The following RALYL variants were observed in gnomAD, a reference collection of about 807,000 sequenced individuals.
The protein encoded by RALYL is RALY RNA binding protein like, also known as RNA-binding Raly-like protein.
In RALYL, 29 loss-of-function variants were observed where a neutral mutation model predicts 35.1. That is an observed-to-expected ratio of 0.83 (90% CI 0.61 to 1.13). RALYL has a LOEUF of 1.13. Among genes scored for constraint, RALYL ranks in the 50% most tolerant of loss-of-function variants. The pLI is 0.00. For missense variants in RALYL, 359 were observed against 360.4 expected, an observed-to-expected ratio of 1.00 and a Z score of 0.03; for synonymous variants, 120 against 127.6, an observed-to-expected ratio of 0.94 and a Z score of 0.40.
chr8:84,821,886 C>A (rs892404281), intron 4 of RALYL, among the ~76,000 whole-genome samples: 1 of 152,092 alleles, frequency 6.6e-6, no homozygotes, highest in South Asian at 2.1e-4. Flanking sequence ...AATGAAAAGT[C>A]AATCCTCAAA....
At chr8:84,873,452 A>G in intron 7 of RALYL, 55 bp downstream of exon 7, 1 of 1,092,800 alleles carries the variant, frequency 9.2e-7, no homozygotes. Flanking sequence ...AACGTTGTCA[A>G]TCACAGAAGC....
At chr8:84,588,887 T>A (rs555929321) in intron 2 of RALYL, among the ~76,000 whole-genome samples, 1 of 148,162 alleles carries the variant, frequency 6.7e-6, no homozygotes, top group Non-Finnish European at 1.5e-5. Flanking sequence ...CTTTCCCCTG[T>A]CTCCCAACAT....
At chr8:84,720,619 G>A (rs992942721) in intron 2 of RALYL, among the ~76,000 whole-genome samples, 15 of 152,082 alleles carry the variant, frequency 9.9e-5, no homozygotes, top group African/African-American at 2.2e-4. Context: ...CATAGGCATC[G>A]AAAGCAAAAG....
At chr8:84,653,294 A>G (rs796446793) in intron 2 of RALYL, among the ~76,000 whole-genome samples, 3 of 152,210 alleles carry the variant, frequency 2.0e-5, no homozygotes, top group African/African-American at 7.2e-5. Context: ...GAAAATATCA[A>G]CATATTTATC....
intron 1 of RALYL, among the ~76,000 whole-genome samples, chr8:84,475,268 A>G (rs981038614): frequency 6.6e-6 from 1 of 151,996 alleles, no homozygotes; most frequent in African/African-American, 2.4e-5. Flanking sequence ...GCTGGAATGC[A>G]GTGGCACCAT....
chr8:84,549,659 A>C (rs139489141), intron 2 of RALYL, among the ~76,000 whole-genome samples: 314 of 152,302 alleles, frequency 2.1e-3, no homozygotes, highest in African/African-American at 6.5e-3. Flanking sequence ...AGGAATGCAG[A>C]TATGCATGAG....
intron 2 of RALYL, among the ~76,000 whole-genome samples, chr8:84,612,052 A>T (rs571503213): frequency 3.9e-4 from 59 of 152,056 alleles, no homozygotes; most frequent in African/African-American, 1.4e-3. Flanking sequence ...CTCTTTTCAT[A>T]GTAATGGTAT....
chr8:84,262,600 G>T (rs1407621745), intron 1 of RALYL, among the ~76,000 whole-genome samples: 3 of 151,870 alleles, frequency 2.0e-5, no homozygotes, highest in African/African-American at 7.3e-5. Context: ...AAAATAACTG[G>T]CCTGAATTAC....
At chr8:84,211,041 C>T (rs1158330807) in intron 1 of RALYL, among the ~76,000 whole-genome samples, 1 of 151,990 alleles carries the variant, frequency 6.6e-6, no homozygotes, top group African/African-American at 2.4e-5. Flanking sequence ...TCGCCAATTC[C>T]TGAATACCAA....
At chr8:84,711,743 C>T (rs1842222870) in intron 2 of RALYL, among the ~76,000 whole-genome samples, 1 of 152,068 alleles carries the variant, frequency 6.6e-6, no homozygotes, top group African/African-American at 2.4e-5. Flanking sequence ...CTTGTCTTAG[C>T]AGTCACATAT....
At chr8:84,351,354 G>A (rs1417512076) in intron 1 of RALYL, among the ~76,000 whole-genome samples, 1 of 149,972 alleles carries the variant, frequency 6.7e-6, no homozygotes, top group Non-Finnish European at 1.5e-5. Flanking sequence ...ATTACTTAAT[G>A]TGATTTATTT....
At chr8:84,532,410 G>A (rs990239890) in intron 2 of RALYL, among the ~76,000 whole-genome samples, 13 of 151,924 alleles carry the variant, frequency 8.6e-5, no homozygotes, top group Admixed American at 7.2e-4. Flanking sequence ...CAAAACTTAG[G>A]TTCAAGTATA....
chr8:84,205,534 T>C (rs1395901448), intron 1 of RALYL, among the ~76,000 whole-genome samples: 1 of 152,212 alleles, frequency 6.6e-6, no homozygotes, highest in East Asian at 1.9e-4. Flanking sequence ...GTAGCTATTT[T>C]ACTCGGAAGT....
At chr8:84,316,000 A>C (rs1401145933) in intron 1 of RALYL, among the ~76,000 whole-genome samples, 5 of 152,152 alleles carry the variant, frequency 3.3e-5, no homozygotes, top group Admixed American at 2.6e-4. Flanking sequence ...CTTGACTGAA[A>C]TACAAAGAAT....
chr8:84,226,344 G>T (rs115355716), intron 1 of RALYL, among the ~76,000 whole-genome samples: 2 of 151,882 alleles, frequency 1.3e-5, no homozygotes, highest in Non-Finnish European at 2.9e-5. Context: ...TGCCAAAAAG[G>T]TTGGAGATCG....
chr8:84,716,758 A>T (rs1373026851), intron 2 of RALYL, among the ~76,000 whole-genome samples: 2 of 152,202 alleles, frequency 1.3e-5, no homozygotes, highest in African/African-American at 2.4e-5. Context: ...TCAAGAACCC[A>T]AGCTAGAGTT....
chr8:84,694,764 C>T (rs976216216), intron 2 of RALYL, among the ~76,000 whole-genome samples: 8 of 151,810 alleles, frequency 5.3e-5, no homozygotes, highest in African/African-American at 1.4e-4. Flanking sequence ...GACACATTTG[C>T]CAATAAATTA....
intron 2 of RALYL, 59 bp downstream of exon 2, chr8:84,529,636 A>G (rs1376596780): frequency 2.0e-6 from 3 of 1,517,520 alleles, no homozygotes; most frequent in Non-Finnish European, 2.7e-6. Flanking sequence ...AAATTGTTTT[A>G]TTTCACAAAA....
intron 2 of RALYL, among the ~76,000 whole-genome samples, chr8:84,592,995 C>T (rs1012358157): frequency 6.6e-6 from 1 of 152,020 alleles, no homozygotes; most frequent in Non-Finnish European, 1.5e-5. Context: ...CTGGTGAACT[C>T]CAAAAGTATA....
Sources: gnomAD v4.1 joint callset for allele counts (sites outside exome capture counted in the v4.1 genomes callset) on GRCh38, gnomAD v4.1.1 for gene constraint, MANE v1.5 for transcripts, NCBI Gene and HGNC (gene_info 2026-07-23, HGNC 2026-07-21) for gene names.